PXDNL: variants seen among roughly 807,000 people sequenced by gnomAD.
The protein encoded by PXDNL is peroxidasin like.
A neutral mutation model predicts 150.8 loss-of-function variants in PXDNL; 145 were observed. The observed-to-expected ratio is 0.96, with a 90% CI of 0.84 to 1.10. The LOEUF is 1.10. PXDNL is among the 50% of genes least tolerant of loss of function. PXDNL has a pLI of 0.00. For missense variants in PXDNL, 2,087 were observed against 1,873.9 expected (o/e 1.11, Z -2.10); for synonymous variants, 757 against 725.7 (o/e 1.04, Z -0.69).
At chr8:51,499,668 A>G in intron 5 of PXDNL, 31 bp downstream of exon 5, 1 of 1,540,792 alleles carries the variant, frequency 6.5e-7, no homozygotes, top group Non-Finnish European at 9.0e-7. Context: ...GTAAAGCAGA[A>G]GCAAAGGACA....
intron 1 of PXDNL, among the ~76,000 whole-genome samples, chr8:51,779,112 G>A (rs2037385542): frequency 6.6e-6 from 1 of 152,186 alleles, no homozygotes; most frequent in African/African-American, 2.4e-5. Flanking sequence ...TGAAAAGGGG[G>A]TAGAGTAGAA....
chr8:51,541,911 A>T (rs1812225321), intron 4 of PXDNL, among the ~76,000 whole-genome samples: 1 of 152,132 alleles, frequency 6.6e-6, no homozygotes, highest in Admixed American at 6.5e-5. Flanking sequence ...TTTTAAGCAG[A>T]ATATTAATCT....
chr8:51,743,012 C>G (rs781563479), intron 1 of PXDNL, among the ~76,000 whole-genome samples: 28 of 152,098 alleles, frequency 1.8e-4, no homozygotes, highest in Non-Finnish European at 3.5e-4. Flanking sequence ...TCATTCAGTT[C>G]CAGTAAACTA....
intron 17 of PXDNL, among the ~76,000 whole-genome samples, chr8:51,395,328 C>A (rs28528268): frequency 4.5e-4 from 68 of 152,324 alleles, no homozygotes; most frequent in Middle Eastern, 3.4e-3. Context: ...CCTGCTCACT[C>A]ACCCTCCAGA....
chr8:51,477,995 A>G (rs2130135222), intron 6 of PXDNL, among the ~76,000 whole-genome samples: 1 of 152,324 alleles, frequency 6.6e-6, no homozygotes, highest in South Asian at 2.1e-4. Flanking sequence ...TGTTCAGAAA[A>G]TAAAAGTATA....
intron 1 of PXDNL, among the ~76,000 whole-genome samples, chr8:51,782,527 T>C (rs903291322): frequency 1.3e-5 from 2 of 152,256 alleles, no homozygotes; most frequent in African/African-American, 4.8e-5. Flanking sequence ...TGCCTAATTA[T>C]TGCTACAGTG....
At chr8:51,708,644 C>G (rs1235528761) in intron 1 of PXDNL, among the ~76,000 whole-genome samples, 1 of 151,984 alleles carries the variant, frequency 6.6e-6, no homozygotes, top group Non-Finnish European at 1.5e-5. Flanking sequence ...AATGGAGACC[C>G]TTTGTAGGAA....
chr8:51,755,378 C>T (rs369185927), intron 1 of PXDNL, among the ~76,000 whole-genome samples: 18 of 151,674 alleles, frequency 1.2e-4, no homozygotes, highest in South Asian at 8.4e-4. Flanking sequence ...CACTGCAATC[C>T]CCACCTCCTG....
At chr8:51,481,643 G>T (rs1371701494) in intron 6 of PXDNL, among the ~76,000 whole-genome samples, 1 of 152,144 alleles carries the variant, frequency 6.6e-6, no homozygotes, top group African/African-American at 2.4e-5. Flanking sequence ...TGGGCCTAGG[G>T]CCCCCCTGAT....
In PXDNL at chr8:51,437,970, C is replaced by T. The variant is rs565783718; in HGVS notation, c.1525+9034G>A. ...ATGTATTCAGCAAAGTTTCAGAATA[C>T]AAAATTAATGTACACAAATCAGTAG... is the stretch of plus-strand genomic sequence containing the variant. On this transcript the variant is annotated intron_variant, in intron 12 of 22. Transcript: ENST00000356297. Among the ~76,000 whole-genome samples the T allele has an allele frequency of 2.6e-5, 4 of 152,196 alleles. No individual in the cohort carries two copies. In the East Asian group the frequency reaches 7.7e-4, roughly 29 times the overall value.
At chr8:51,497,903 T>C (rs1238611531) in intron 5 of PXDNL, among the ~76,000 whole-genome samples, 2 of 152,026 alleles carry the variant, frequency 1.3e-5, no homozygotes, top group African/African-American at 2.4e-5. Context: ...ACTAGAAATA[T>C]CATTTGACCC....
At chr8:51,439,394 G>A (rs1809487115) in intron 12 of PXDNL, among the ~76,000 whole-genome samples, 1 of 152,118 alleles carries the variant, frequency 6.6e-6, no homozygotes, top group African/African-American at 2.4e-5. Context: ...ACTCCTGCAA[G>A]AATGGCCATA....
At chr8:51,764,241 CT>C (rs969743538) in intron 1 of PXDNL, among the ~76,000 whole-genome samples, 1 of 151,664 alleles carries the variant, frequency 6.6e-6, no homozygotes, top group African/African-American at 2.4e-5. Context: ...ATTTTTTGAC[CT>C]TTTTAAAGAG....
At chr8:51,573,382 G>A (rs1423446692) in intron 3 of PXDNL, among the ~76,000 whole-genome samples, 1 of 151,928 alleles carries the variant, frequency 6.6e-6, no homozygotes, top group Non-Finnish European at 1.5e-5. Context: ...CAGCAATAAA[G>A]AGCTGTCCTT....
At chr8:51,374,292 A>T (rs1476360608) in intron 18 of PXDNL, among the ~76,000 whole-genome samples, 4 of 152,236 alleles carry the variant, frequency 2.6e-5, no homozygotes, top group Non-Finnish European at 5.9e-5. Flanking sequence ...AAAGTTAAAC[A>T]GCTGTAAGTG....
At chr8:51,663,635 G>C (rs1211156565) in intron 1 of PXDNL, among the ~76,000 whole-genome samples, 1 of 152,078 alleles carries the variant, frequency 6.6e-6, no homozygotes, top group East Asian at 1.9e-4. Flanking sequence ...CTGTATGTGG[G>C]AACCCAGAGT....
chr8:51,526,360 A>G (rs62505319), intron 4 of PXDNL, among the ~76,000 whole-genome samples: 1 of 151,500 alleles, frequency 6.6e-6, no homozygotes, highest in Admixed American at 6.6e-5. Flanking sequence ...TTTTTTTTAA[A>G]TTTCATTTTG....
intron 2 of PXDNL, among the ~76,000 whole-genome samples, chr8:51,634,746 A>G (rs1051989501): frequency 1.3e-4 from 19 of 146,646 alleles, no homozygotes; most frequent in Non-Finnish European, 2.0e-4. Flanking sequence ...GCTATTGAAA[A>G]TGGGATTGCA....
chr8:51,642,569 AC>A (rs1262310882), intron 2 of PXDNL, among the ~76,000 whole-genome samples: 1 of 152,084 alleles, frequency 6.6e-6, no homozygotes, highest in Non-Finnish European at 1.5e-5. Flanking sequence ...TTTATGACAA[AC>A]CCACAGCCAA....
Sources: gnomAD v4.1 joint callset for allele counts (sites outside exome capture counted in the v4.1 genomes callset) on GRCh38, gnomAD v4.1.1 for gene constraint, MANE v1.5 for transcripts, NCBI Gene and HGNC (gene_info 2026-07-23, HGNC 2026-07-21) for gene names.